KHDRBS2: variants seen among roughly 807,000 people sequenced by gnomAD.
The protein encoded by KHDRBS2 is KH RNA binding domain containing, signal transduction associated 2.
A neutral mutation model predicts 44.3 loss-of-function variants in KHDRBS2; 26 were observed. The observed-to-expected ratio is 0.59, with a 90% confidence interval of 0.43 to 0.81. KHDRBS2 has a LOEUF of 0.81. Among genes scored for constraint, KHDRBS2 ranks in the 40% least tolerant of loss-of-function variants. KHDRBS2 has a pLI of 0.00. For synonymous variants in KHDRBS2, 194 were observed against 151.1 expected, an observed-to-expected ratio of 1.28 and a Z score of -2.08; for missense variants, 476 against 433.1, an observed-to-expected ratio of 1.10 and a Z score of -0.88.
chr6:61,973,507 C>A (rs1481866634), intron 4 of KHDRBS2, among the ~76,000 whole-genome samples: 1 of 152,118 alleles, frequency 6.6e-6, no homozygotes. Context: ...TTACCAGTAT[C>A]TCAAACTTGA....
the KHDRBS2 span, among the ~76,000 whole-genome samples, chr6:61,645,774 C>T: frequency 6.6e-6 from 1 of 152,134 alleles, no homozygotes; most frequent in South Asian, 2.1e-4. Context: ...AAATCTTTAA[C>T]ATCATGTTTC....
At chr6:62,148,610 A>T (rs1361224259) in intron 2 of KHDRBS2, among the ~76,000 whole-genome samples, 4 of 152,028 alleles carry the variant, frequency 2.6e-5, no homozygotes, top group African/African-American at 9.7e-5. Context: ...ATAAATATTA[A>T]AAACAACAAC....
chr6:61,885,992 T>C (rs1429540157), intron 6 of KHDRBS2, among the ~76,000 whole-genome samples: 1 of 152,148 alleles, frequency 6.6e-6, no homozygotes, highest in East Asian at 1.9e-4. Context: ...TGTTTTTACC[T>C]TCAGCTTTAC....
At chr6:61,756,985 A>G (rs1374021526) in intron 6 of KHDRBS2, among the ~76,000 whole-genome samples, 1 of 152,232 alleles carries the variant, frequency 6.6e-6, no homozygotes, top group African/African-American at 2.4e-5. Flanking sequence ...CATTTTTTAC[A>G]GTTACCTGCT....
intron 3 of KHDRBS2, among the ~76,000 whole-genome samples, chr6:62,027,001 ATTC>A (rs534963366): frequency 8.7e-5 from 13 of 150,226 alleles, no homozygotes; most frequent in Non-Finnish European, 1.8e-4. Context: ...ATGGTTTTTA[ATTC>A]TTATTTCCTT....
At chr6:61,932,045 TA>T (rs1286840381) in intron 4 of KHDRBS2, among the ~76,000 whole-genome samples, 3 of 152,230 alleles carry the variant, frequency 2.0e-5, no homozygotes, top group Non-Finnish European at 4.4e-5. Flanking sequence ...TATAAAATTT[TA>T]AAAATGTGTC....
chr6:61,812,421 G>A (rs1461326012), intron 6 of KHDRBS2, among the ~76,000 whole-genome samples: 1 of 152,106 alleles, frequency 6.6e-6, no homozygotes, highest in Non-Finnish European at 1.5e-5. Context: ...GACCTTTCAT[G>A]AGGAGCTTTA....
intron 1 of KHDRBS2, among the ~76,000 whole-genome samples, chr6:62,252,402 T>C (rs920346667): frequency 2.0e-4 from 31 of 152,094 alleles, no homozygotes; most frequent in African/African-American, 6.7e-4. Flanking sequence ...TGTTTTCATG[T>C]GTTTAGCAAT....
At chr6:62,166,041 T>A (rs559846589) in intron 2 of KHDRBS2, among the ~76,000 whole-genome samples, 1 of 152,178 alleles carries the variant, frequency 6.6e-6, no homozygotes, top group Non-Finnish European at 1.5e-5. Flanking sequence ...AGGAACTTCA[T>A]GAAAGTAGAA....
intron 4 of KHDRBS2, among the ~76,000 whole-genome samples, chr6:61,909,880 C>T (rs1265506001): frequency 1.3e-5 from 2 of 152,174 alleles, no homozygotes; most frequent in Non-Finnish European, 2.9e-5. Flanking sequence ...ATTCCTTCTT[C>T]TGAGGATACA....
intron 6 of KHDRBS2, among the ~76,000 whole-genome samples, chr6:61,834,076 T>G (rs541082054): frequency 6.6e-6 from 1 of 152,242 alleles, no homozygotes; most frequent in East Asian, 1.9e-4. Flanking sequence ...TTACTTCCAC[T>G]TTCTGTGCAA....
At chr6:62,199,351 C>T (rs1270932279) in intron 1 of KHDRBS2, among the ~76,000 whole-genome samples, 1 of 152,152 alleles carries the variant, frequency 6.6e-6, no homozygotes, top group South Asian at 2.1e-4. Flanking sequence ...CTTGTCTCAG[C>T]CCAAAATCTC....
At chr6:62,027,026 T>A (rs1210290253) in intron 3 of KHDRBS2, among the ~76,000 whole-genome samples, 1 of 151,890 alleles carries the variant, frequency 6.6e-6, no homozygotes. Flanking sequence ...TTTTTTTTCA[T>A]TTCGAGAACT....
At chr6:61,559,792 A>AT in the KHDRBS2 span, among the ~76,000 whole-genome samples, 2 of 152,080 alleles carry the variant, frequency 1.3e-5, no homozygotes, top group African/African-American at 4.8e-5. Context: ...TGTTGTAGTT[A>AT]TTTTTTTGAT....
At chr6:61,867,231 G>A (rs1370548179) in intron 6 of KHDRBS2, among the ~76,000 whole-genome samples, 1 of 152,190 alleles carries the variant, frequency 6.6e-6, no homozygotes, top group Admixed American at 6.5e-5. Context: ...GGGCAAGGAG[G>A]AACAAGTCAT....
intron 6 of KHDRBS2, among the ~76,000 whole-genome samples, chr6:61,888,624 C>T (rs1261569787): frequency 6.8e-6 from 1 of 146,470 alleles, no homozygotes; most frequent in African/African-American, 2.5e-5. Context: ...TGCAGTGGCG[C>T]GATCTCGGTT....
chr6:62,194,746 A>C (rs1184586603), intron 1 of KHDRBS2, among the ~76,000 whole-genome samples: 1 of 151,548 alleles, frequency 6.6e-6, no homozygotes, highest in Non-Finnish European at 1.5e-5. Flanking sequence ...ATCTCAAGTG[A>C]TTCACTCATG....
chr6:61,772,641 T>A (rs1460129558), intron 6 of KHDRBS2, among the ~76,000 whole-genome samples: 2 of 151,658 alleles, frequency 1.3e-5, no homozygotes, highest in Non-Finnish European at 3.0e-5. Context: ...TTATTTTATT[T>A]TATTTTATTT....
chr6:61,922,814 C>A (rs1309451309), intron 4 of KHDRBS2, among the ~76,000 whole-genome samples: 2 of 152,058 alleles, frequency 1.3e-5, no homozygotes, highest in African/African-American at 4.8e-5. Context: ...AACTTAATGG[C>A]ATTCCAGAAT....
Sources: gnomAD v4.1 joint callset for allele counts (sites outside exome capture counted in the v4.1 genomes callset) on GRCh38, gnomAD v4.1.1 for gene constraint, MANE v1.5 for transcripts, NCBI Gene and HGNC (gene_info 2026-07-23, HGNC 2026-07-21) for gene names.